OTUD7A: variants seen among roughly 807,000 people sequenced by gnomAD.
OTUD7A encodes the protein OTU deubiquitinase 7A.
Under a neutral mutation model 65.7 loss-of-function variants are expected in OTUD7A, and 12 were observed. The ratio of observed to expected loss-of-function variants is 0.18; its 90% CI spans 0.12 to 0.30. OTUD7A has a LOEUF of 0.30. OTUD7A is among the 10% of genes least tolerant of loss of function. The pLI, the probability that OTUD7A is intolerant of heterozygous loss-of-function variation, is 1.00. For missense variants in OTUD7A, 1,148 were observed against 1,304.8 expected (o/e 0.88, Z 1.85); for synonymous variants, 641 against 586.3 (o/e 1.09, Z -1.35).
intron 1 of OTUD7A, among the ~76,000 whole-genome samples, chr15:31,852,469 C>A (rs1212767758): frequency 6.6e-6 from 1 of 152,206 alleles, no homozygotes; most frequent in Non-Finnish European, 1.5e-5. Flanking sequence ...ACAAACAAAT[C>A]TCAAATTATT....
At chr15:31,661,036 G>A (rs1398487256) in intron 1 of OTUD7A, among the ~76,000 whole-genome samples, 1 of 152,222 alleles carries the variant, frequency 6.6e-6, no homozygotes, top group African/African-American at 2.4e-5. Context: ...TTCTGTTCAG[G>A]GGCCATGACT....
chr15:31,667,922 A>AAAATT (rs1892365561), intron 1 of OTUD7A, among the ~76,000 whole-genome samples: 1 of 152,194 alleles, frequency 6.6e-6, no homozygotes, highest in Non-Finnish European at 1.5e-5. Context: ...TGCTGCATAC[A>AAAATT]AAATTCTTAG....
intron 1 of OTUD7A, among the ~76,000 whole-genome samples, chr15:31,796,660 C>A (rs947480326): frequency 2.0e-5 from 3 of 152,200 alleles, no homozygotes; most frequent in African/African-American, 7.2e-5. Context: ...AAGTAGCCAC[C>A]AAGTCAATGG....
intron 1 of OTUD7A, among the ~76,000 whole-genome samples, chr15:31,746,656 C>T (rs889032039): frequency 1.6e-4 from 24 of 151,992 alleles, no homozygotes; most frequent in African/African-American, 5.8e-4. Flanking sequence ...GCCACCACAC[C>T]AGGCTAATTT....
chr15:31,494,012 G>A (rs927523779), intron 10 of OTUD7A, among the ~76,000 whole-genome samples: 4 of 152,242 alleles, frequency 2.6e-5, no homozygotes, highest in Admixed American at 1.3e-4. Flanking sequence ...TAGCCTGTAC[G>A]TGAGGCCAAG....
intron 1 of OTUD7A, among the ~76,000 whole-genome samples, chr15:31,814,320 G>C (rs2140964794): frequency 6.6e-6 from 1 of 152,266 alleles, no homozygotes; most frequent in East Asian, 1.9e-4. Context: ...TCATCCCCTA[G>C]GCCTGCCCTG....
At chr15:31,786,127 G>A (rs900491279) in intron 1 of OTUD7A, among the ~76,000 whole-genome samples, 1 of 152,068 alleles carries the variant, frequency 6.6e-6, no homozygotes, top group African/African-American at 2.4e-5. Flanking sequence ...TGGGGACTCT[G>A]CAGAGTCCCC....
intron 3 of OTUD7A, among the ~76,000 whole-genome samples, chr15:31,646,466 GTT>G (rs11332562): frequency 4.2e-4 from 55 of 130,094 alleles, no homozygotes; most frequent in African/African-American, 1.5e-3. Context: ...TTTCTTTTTT[GTT>G]TTTTTTTTTT....
At chr15:31,839,594 C>T (rs1013491294) in intron 1 of OTUD7A, among the ~76,000 whole-genome samples, 4 of 152,230 alleles carry the variant, frequency 2.6e-5, no homozygotes, top group East Asian at 1.9e-4. Context: ...CACAGAAGCA[C>T]GTGTGAGAGC....
chr15:31,741,643 A>G (rs1595739274), intron 1 of OTUD7A, among the ~76,000 whole-genome samples: 1 of 152,290 alleles, frequency 6.6e-6, no homozygotes, highest in East Asian at 1.9e-4. Flanking sequence ...CTAAATCATA[A>G]AATATTTCAC....
At chr15:31,824,144 G>C (rs1470779727) in intron 1 of OTUD7A, among the ~76,000 whole-genome samples, 1 of 152,182 alleles carries the variant, frequency 6.6e-6, no homozygotes, top group African/African-American at 2.4e-5. Flanking sequence ...ACTGAACCAA[G>C]GCCTTTGTTC....
chr15:31,747,037 A>G (rs1412417565), intron 1 of OTUD7A, among the ~76,000 whole-genome samples: 2 of 152,190 alleles, frequency 1.3e-5, no homozygotes, highest in African/African-American at 4.8e-5. Flanking sequence ...ACTACCACAC[A>G]AATGTTGAAC....
At position 31,615,779 on chromosome 15, in the gene OTUD7A, G is replaced by T. The variant is rs149164081; in HGVS notation, c.151+39317C>A. ...TGGAAGAGGACAGGGAATTGTAGGG[G>T]ACTGGCTGTGCCACCGTGCCCAGGT... On this transcript the variant is annotated intron_variant, in intron 3 of 12. Transcript: ENST00000307050. 1.1e-3 allele frequency among the ~76,000 whole-genome samples: 168 copies of T among 152,346 alleles called. 4 individuals carry two copies. The highest frequency in any genetic ancestry group is 3.8e-3 in the African/African-American group (159 of 41,588).
rs755128062 is a variant in OTUD7A at position 31,856,223 on chromosome 15, T to C, written c.-100+14284A>G. Among the ~76,000 whole-genome samples the C allele has an allele frequency of 5.3e-5, 8 of 152,364 alleles. No homozygotes were observed. In the South Asian group the frequency reaches 8.3e-4, roughly 16 times the overall value. On this transcript the variant is annotated intron_variant, in intron 1 of 12. Coordinates refer to ENST00000307050, the MANE Select transcript of OTUD7A (RefSeq NM_001382637.1). ...GTAATAATCTCCAACAAGTATTCTA[T>C]GTATGTTCCTATGTGTTTAATAGTC...
chr15:31,664,127 A>C (rs1892251628), intron 1 of OTUD7A, among the ~76,000 whole-genome samples: 1 of 152,230 alleles, frequency 6.6e-6, no homozygotes, highest in Non-Finnish European at 1.5e-5. Context: ...GTGCTGCTAC[A>C]AACATGCGTG....
intron 1 of OTUD7A, among the ~76,000 whole-genome samples, chr15:31,861,678 T>C (rs1897745027): frequency 6.6e-6 from 1 of 152,060 alleles, no homozygotes; most frequent in Admixed American, 6.5e-5. Context: ...AATCAAGAGA[T>C]TTGGGGATGA....
At position 31,483,437 on chromosome 15, in the gene OTUD7A, G is replaced by A. The variant is rs1385250235; in HGVS notation, c.2659C>T (p.Arg887Cys). ...PTARSNGECG[R>C]GGPGPVQRRC... ...CGCTGCACCGGCCCCGGGCCGCCAC[G>A]GCCGCACTCACCGTTCGAGCGCGCG... Residue 887 changes from arginine (R) to cysteine (C), a missense_variant, in exon 13 of 13, where the codon CGT becomes TGT. By Grantham distance (180) the Arg-to-Cys change is radical (BLOSUM62 -3). Around this residue, in one of 6 missense-constraint regions of OTUD7A, gnomAD observed 842 missense variants for 769.5 expected, o/e 1.09. Transcript: ENST00000307050. 5.1e-6 allele frequency: 7 copies of A among 1,383,324 alleles called. No homozygotes were observed. The highest frequency in any genetic ancestry group is 3.2e-5 in the Admixed American group (1 of 31,474). The allele number at this position is 1,383,324 out of a possible 1,614,324, so 85.7% of individuals were successfully genotyped here.
At chr15:31,755,273 A>C (rs1018906720) in intron 1 of OTUD7A, among the ~76,000 whole-genome samples, 9 of 152,160 alleles carry the variant, frequency 5.9e-5, no homozygotes, top group Non-Finnish European at 8.8e-5. Context: ...ATGGTGCCAG[A>C]AGCATTTGAA....
At chr15:31,647,826 G>T (rs1468321496) in intron 3 of OTUD7A, among the ~76,000 whole-genome samples, 1 of 151,986 alleles carries the variant, frequency 6.6e-6, no homozygotes, top group South Asian at 2.1e-4. Context: ...TGCTGTCGGG[G>T]AGTTCATGAT....
Sources: allele counts gnomAD v4.1 joint callset (sites outside exome capture counted in the v4.1 genomes callset), GRCh38; gene constraint gnomAD v4.1.1; regional missense constraint gnomAD v4.1.1; transcripts MANE v1.5; gene names NCBI Gene and HGNC (gene_info 2026-07-23, HGNC 2026-07-21).